CYB5R4: variants seen among roughly 807,000 people sequenced by gnomAD.
The protein encoded by CYB5R4 is N-terminal cytochrome b5 and cytochrome b5 oxidoreductase domain-containing protein.
Under a neutral mutation model 70.2 loss-of-function variants are expected in CYB5R4, and 55 were observed. That is an observed-to-expected ratio of 0.78 (90% CI 0.63 to 0.98). CYB5R4 has a LOEUF of 0.98. Among genes scored for constraint, CYB5R4 ranks in the 50% least tolerant of loss-of-function variants. The pLI is 0.00. For synonymous variants in CYB5R4, 197 were observed against 199.5 expected, an observed-to-expected ratio of 0.99 and a Z score of 0.11; for missense variants, 562 against 612.6, an observed-to-expected ratio of 0.92 and a Z score of 0.87.
intron 15 of CYB5R4, among the ~76,000 whole-genome samples, chr6:83,957,223 T>A (rs958475443): frequency 1.3e-5 from 2 of 152,108 alleles, no homozygotes; most frequent in Non-Finnish European, 2.9e-5. Context: ...ATATAAAAAA[T>A]TTTTTATGAA....
chr6:83,922,551 A>G (rs896257540), intron 9 of CYB5R4, 81 bp downstream of exon 9: 1 of 937,990 alleles, frequency 1.1e-6, no homozygotes, highest in Non-Finnish European at 1.7e-6. Context: ...AAAAATTGAA[A>G]AATTAGCATT....
chr6:83,895,028 A>G (rs1037826359), intron 3 of CYB5R4, among the ~76,000 whole-genome samples: 3 of 152,152 alleles, frequency 2.0e-5, no homozygotes, highest in Non-Finnish European at 2.9e-5. Flanking sequence ...TTTGCTGTTA[A>G]TGTTCTTCCT....
At chr6:83,910,031 G>GT in intron 4 of CYB5R4, 3 of 1,611,718 alleles carry the variant, frequency 1.9e-6, no homozygotes, top group Non-Finnish European at 2.5e-6. Flanking sequence ...TGTTAAGCTG[G>GT]TACGCATGCA....
chr6:83,892,990 A>G (rs961549645), intron 2 of CYB5R4, among the ~76,000 whole-genome samples: 1 of 152,154 alleles, frequency 6.6e-6, no homozygotes, highest in South Asian at 2.1e-4. Context: ...AGTCTTTTAA[A>G]GGATATTTGC....
intron 4 of CYB5R4, among the ~76,000 whole-genome samples, chr6:83,914,126 C>T (rs2099465109): frequency 2.0e-5 from 3 of 151,966 alleles, no homozygotes; most frequent in Non-Finnish European, 2.9e-5. Flanking sequence ...TACATATGCT[C>T]ATATAGAAAT....
At chr6:83,951,698 G>A (rs1324633226) in intron 14 of CYB5R4, among the ~76,000 whole-genome samples, 1 of 152,158 alleles carries the variant, frequency 6.6e-6, no homozygotes, top group Non-Finnish European at 1.5e-5. Flanking sequence ...GGACATTTAG[G>A]TTGGTTCCAA....
intron 7 of CYB5R4, 75 bp downstream of exon 7, chr6:83,919,529 C>CT (rs1259498083): frequency 1.4e-6 from 1 of 711,164 alleles, no homozygotes; most frequent in Non-Finnish European, 2.3e-6. Flanking sequence ...TTTCTAAACA[C>CT]TTTTTTATAT....
chr6:83,884,292 A>G (rs1326994814), intron 2 of CYB5R4, among the ~76,000 whole-genome samples: 1 of 152,024 alleles, frequency 6.6e-6, no homozygotes, highest in Non-Finnish European at 1.5e-5. Flanking sequence ...TGATGTCTAT[A>G]AGAGGTATAC....
intron 2 of CYB5R4, among the ~76,000 whole-genome samples, chr6:83,875,259 T>C (rs1184462813): frequency 1.3e-5 from 2 of 151,460 alleles, no homozygotes; most frequent in Non-Finnish European, 2.9e-5. Context: ...TGTGCAAAAC[T>C]TTTTATTTTT....
intron 2 of CYB5R4, among the ~76,000 whole-genome samples, chr6:83,879,075 C>T (rs2099459048): frequency 6.6e-6 from 1 of 152,046 alleles, no homozygotes; most frequent in Non-Finnish European, 1.5e-5. Context: ...CCTGTTTCAG[C>T]CTCAGTCTTA....
At chr6:83,879,558 A>G (rs541611706) in intron 2 of CYB5R4, among the ~76,000 whole-genome samples, 1 of 151,562 alleles carries the variant, frequency 6.6e-6, no homozygotes, top group Non-Finnish European at 1.5e-5. Context: ...TATGGGTGAA[A>G]TTTTCCCTTT....
chr6:83,904,395 T>C (rs1051973557), intron 3 of CYB5R4, among the ~76,000 whole-genome samples: 2 of 152,192 alleles, frequency 1.3e-5, no homozygotes, highest in East Asian at 1.9e-4. Flanking sequence ...CCTGAAAATA[T>C]ACTCAAGAGG....
At chr6:83,936,486 T>C (rs1428333383) in intron 12 of CYB5R4, 110 bp downstream of exon 12, 4 of 931,488 alleles carry the variant, frequency 4.3e-6, no homozygotes, top group Non-Finnish European at 6.5e-6. Flanking sequence ...TCAACATGTC[T>C]ACAACCAAAG....
chr6:83,913,903 C>T (rs1015542036), intron 4 of CYB5R4, among the ~76,000 whole-genome samples: 1 of 152,042 alleles, frequency 6.6e-6, no homozygotes, highest in South Asian at 2.1e-4. Context: ...GTTTGTAACA[C>T]TAATAATTGC....
intron 2 of CYB5R4, among the ~76,000 whole-genome samples, chr6:83,873,521 A>C (rs1428587822): frequency 6.6e-6 from 1 of 152,256 alleles, no homozygotes; most frequent in South Asian, 2.1e-4. Flanking sequence ...GATTACAGGC[A>C]TGAGCCACCT....
intron 12 of CYB5R4, among the ~76,000 whole-genome samples, chr6:83,938,058 T>C (rs1257130299): frequency 6.6e-6 from 1 of 152,228 alleles, no homozygotes; most frequent in African/African-American, 2.4e-5. Context: ...TTCTGAAATG[T>C]AGTAGATATG....
At chr6:83,865,338 C>A (rs1332702789) in intron 2 of CYB5R4, among the ~76,000 whole-genome samples, 4 of 152,098 alleles carry the variant, frequency 2.6e-5, no homozygotes, top group African/African-American at 9.7e-5. Context: ...TAACAAAGGA[C>A]CACAAACTAG....
intron 4 of CYB5R4, among the ~76,000 whole-genome samples, chr6:83,909,409 A>C (rs182835006): frequency 1.3e-5 from 2 of 152,302 alleles, no homozygotes; most frequent in Non-Finnish European, 2.9e-5. Context: ...AAAATACAAA[A>C]AGTTATACAG....
chr6:83,948,564 A>G (rs2099471016), intron 14 of CYB5R4, among the ~76,000 whole-genome samples: 1 of 152,178 alleles, frequency 6.6e-6, no homozygotes, highest in Non-Finnish European at 1.5e-5. Flanking sequence ...GTTTTTTAGA[A>G]AAGTATTTCT....
Sources: gnomAD v4.1 joint callset for allele counts (sites outside exome capture counted in the v4.1 genomes callset) on GRCh38, gnomAD v4.1.1 for gene constraint, MANE v1.5 for transcripts, NCBI Gene and HGNC (gene_info 2026-07-23, HGNC 2026-07-21) for gene names.